MAPRE1: variants seen among roughly 807,000 people sequenced by gnomAD.
MAPRE1 encodes microtubule-associated protein RP/EB family member 1.
Under a neutral mutation model 32.1 loss-of-function variants are expected in MAPRE1, and 5 were observed. That is an observed-to-expected ratio of 0.16 (90% CI 0.08 to 0.33). The LOEUF is 0.33. Among genes scored for constraint, MAPRE1 ranks in the 10% least tolerant of loss-of-function variants. The pLI is 1.00. For missense variants in MAPRE1, 209 were observed against 327.2 expected, an observed-to-expected ratio of 0.64 and a Z score of 2.79; for synonymous variants, 122 against 118.9, an observed-to-expected ratio of 1.03 and a Z score of -0.17.
At position 32,849,003 on chromosome 20, in the gene MAPRE1, C is replaced by T; in HGVS notation, c.*275C>T. 3.3e-6 allele frequency: 1 copy of T among 302,800 alleles called. No homozygotes were observed. Among genetic ancestry groups the T allele is most frequent in the South Asian group, 8.5e-5 (1 of 11,818 alleles). 18.8% of individuals were successfully genotyped at this position (302,800 alleles called of 1,614,324 possible). On this transcript the variant is annotated 3_prime_UTR_variant, in exon 7 of 7. Transcript: ENST00000375571. ...TGGGGCTCACCATGCGGATGCGGGT[C>T]ACACTGAATGCTGGAGAGATGTTAT...
intron 1 of MAPRE1, among the ~76,000 whole-genome samples, chr20:32,825,395 G>A (rs1982815608): frequency 2.6e-5 from 4 of 152,092 alleles, no homozygotes; most frequent in Admixed American, 2.6e-4. Context: ...GCTGGTGTTG[G>A]GCAGTTCATT....
At chr20:32,847,027 G>A (rs2146141960) in intron 6 of MAPRE1, among the ~76,000 whole-genome samples, 1 of 152,304 alleles carries the variant, frequency 6.6e-6, no homozygotes, top group Middle Eastern at 3.4e-3. Context: ...GGTGATGAGT[G>A]CCACAAACTG....
chr20:32,830,606 C>T (rs112495704), intron 2 of MAPRE1, among the ~76,000 whole-genome samples: 2,362 of 152,292 alleles, frequency 0.016, 54 homozygotes, highest in African/African-American at 0.054. Context: ...CAGTGGCCTC[C>T]TGACTGAACA....
chr20:32,837,295 T>G (rs183703276), intron 4 of MAPRE1, among the ~76,000 whole-genome samples: 2 of 146,708 alleles, frequency 1.4e-5, no homozygotes, highest in Non-Finnish European at 3.0e-5. Flanking sequence ...TGCTCTTGGC[T>G]GTCTGTGTTA....
chr20:32,844,223 A>C (rs543307956), intron 5 of MAPRE1, among the ~76,000 whole-genome samples: 51 of 152,184 alleles, frequency 3.4e-4, no homozygotes, highest in Non-Finnish European at 4.3e-4. Flanking sequence ...CCAGTGTCTT[A>C]GTATATATTT....
chr20:32,844,501 G>A (rs972507431), intron 5 of MAPRE1, among the ~76,000 whole-genome samples: 16 of 111,038 alleles, frequency 1.4e-4, no homozygotes, highest in Admixed American at 1.4e-4. Context: ...TGCAACTTCC[G>A]CCTCCCGGGT....
chr20:32,820,342 G>T (rs1291079344), intron 1 of MAPRE1, among the ~76,000 whole-genome samples: 3 of 152,106 alleles, frequency 2.0e-5, no homozygotes, highest in African/African-American at 7.2e-5. Flanking sequence ...GGGTGGTTGG[G>T]CCCTGGGAGG....
At chr20:32,829,847 C>A (rs1982969714) in intron 2 of MAPRE1, among the ~76,000 whole-genome samples, 1 of 152,130 alleles carries the variant, frequency 6.6e-6, no homozygotes, top group African/African-American at 2.4e-5. Flanking sequence ...CAGGTTGTTT[C>A]AAGATTCATT....
intron 1 of MAPRE1, among the ~76,000 whole-genome samples, chr20:32,821,619 C>G (rs558003611): frequency 6.6e-6 from 1 of 152,188 alleles, no homozygotes; most frequent in Non-Finnish European, 1.5e-5. Context: ...TGCAGAGATA[C>G]TGTTTTACCC....
intron 1 of MAPRE1, among the ~76,000 whole-genome samples, chr20:32,824,465 G>T (rs1426898604): frequency 6.6e-6 from 1 of 152,202 alleles, no homozygotes; most frequent in Admixed American, 6.5e-5. Context: ...TAAAATGAGG[G>T]ACATGAAGTG....
chr20:32,825,169 A>G (rs1476871803), intron 1 of MAPRE1, among the ~76,000 whole-genome samples: 3 of 150,600 alleles, frequency 2.0e-5, no homozygotes, highest in East Asian at 2.0e-4. Flanking sequence ...AAAAAAAGAA[A>G]GAAACAAACA....
chr20:32,824,005 C>T (rs1053715481), intron 1 of MAPRE1, among the ~76,000 whole-genome samples: 1 of 152,230 alleles, frequency 6.6e-6, no homozygotes, highest in Non-Finnish European at 1.5e-5. Context: ...TCTAGAGCTT[C>T]ATGTGGTTGC....
intron 1 of MAPRE1, among the ~76,000 whole-genome samples, chr20:32,820,564 G>A (rs1253770725): frequency 2.0e-5 from 3 of 152,288 alleles, no homozygotes; most frequent in Admixed American, 1.3e-4. Context: ...CTCTTAGCGC[G>A]ATGTATGGCA....
chr20:32,829,515 C>T (rs1982960189), intron 2 of MAPRE1, among the ~76,000 whole-genome samples: 1 of 152,154 alleles, frequency 6.6e-6, no homozygotes, highest in South Asian at 2.1e-4. Context: ...AAGTGAGGCT[C>T]CTCAACTCCT....
intron 2 of MAPRE1, among the ~76,000 whole-genome samples, chr20:32,831,982 T>C (rs414049): frequency 0.29 from 43,484 of 149,886 alleles, 6,671 homozygotes; most frequent in East Asian, 0.56. Flanking sequence ...ATGCCCTCAG[T>C]GTACTTTTGT....
intron 4 of MAPRE1, among the ~76,000 whole-genome samples, chr20:32,837,140 G>A (rs1983224201): frequency 6.6e-6 from 1 of 152,216 alleles, no homozygotes; most frequent in Non-Finnish European, 1.5e-5. Flanking sequence ...ATGCAGTTTT[G>A]CCAAAGCTCT....
chr20:32,825,208 G>T (rs572164836), intron 1 of MAPRE1, among the ~76,000 whole-genome samples: 1 of 133,084 alleles, frequency 7.5e-6, no homozygotes, highest in African/African-American at 3.2e-5. Context: ...GAAGAAAATT[G>T]TAACATTTTG....
intron 5 of MAPRE1, among the ~76,000 whole-genome samples, chr20:32,845,581 T>G (rs2146140787): frequency 6.6e-6 from 1 of 152,330 alleles, no homozygotes; most frequent in East Asian, 1.9e-4. Flanking sequence ...ATCTCCTCTG[T>G]TGTGTTTGGT....
intron 2 of MAPRE1, 126 bp downstream of exon 2, chr20:32,826,174 C>A: frequency 1.4e-6 from 1 of 701,062 alleles, no homozygotes; most frequent in Non-Finnish European, 2.2e-6. Flanking sequence ...CACCCTGTTT[C>A]TTCCTCTCAG....
Sources: allele counts gnomAD v4.1 joint callset (sites outside exome capture counted in the v4.1 genomes callset), GRCh38; gene constraint gnomAD v4.1.1; transcripts MANE v1.5; gene names NCBI Gene and HGNC (gene_info 2026-07-23, HGNC 2026-07-21).